CACNA2D3: variants seen among roughly 807,000 people sequenced by gnomAD.
CACNA2D3 encodes calcium voltage-gated channel auxiliary subunit alpha2delta 3.
Under a neutral mutation model 160.6 loss-of-function variants are expected in CACNA2D3, and 60 were observed. The observed-to-expected ratio is 0.37, with a 90% CI of 0.30 to 0.46. The LOEUF (loss-of-function observed/expected upper bound fraction) is 0.46, where lower values mean the gene tolerates loss of function less well. Ranked by LOEUF, CACNA2D3 falls within the 20% of genes least tolerant of loss-of-function variation. The pLI is 1.00. For synonymous variants in CACNA2D3, 558 were observed against 492.9 expected, an observed-to-expected ratio of 1.13 and a Z score of -1.75; for missense variants, 1,205 against 1,365.0, an observed-to-expected ratio of 0.88 and a Z score of 1.85.
intron 2 of CACNA2D3, among the ~76,000 whole-genome samples, chr3:54,192,233 CTT>C (rs1266015873): frequency 2.0e-5 from 3 of 151,728 alleles, no homozygotes; most frequent in East Asian, 3.9e-4. Context: ...GAGGAGAAGA[CTT>C]TTATTTTTAA....
chr3:54,764,095 C>A (rs1702172795), intron 12 of CACNA2D3, 123 bp from the exon 13 acceptor site: 3 of 1,044,528 alleles, frequency 2.9e-6, no homozygotes, highest in Non-Finnish European at 1.4e-6. Context: ...GGGAGAGGAG[C>A]TAACATTGAA....
chr3:54,927,916 G>C, intron 27 of CACNA2D3: 1 of 1,613,616 alleles, frequency 6.2e-7, no homozygotes, highest in Non-Finnish European at 8.5e-7. Context: ...TTTCATGACT[G>C]AGTCTCCTTG....
chr3:54,433,478 A>G (rs1700018117), intron 4 of CACNA2D3, among the ~76,000 whole-genome samples: 1 of 152,246 alleles, frequency 6.6e-6, no homozygotes, highest in South Asian at 2.1e-4. Flanking sequence ...GAATTGTACA[A>G]AGTAACACCT....
chr3:54,136,962 A>G (rs1487753549), intron 2 of CACNA2D3, among the ~76,000 whole-genome samples: 1 of 152,058 alleles, frequency 6.6e-6, no homozygotes, highest in Admixed American at 6.5e-5. Context: ...CCCTAAAGAG[A>G]CTCAGTCATT....
intron 4 of CACNA2D3, among the ~76,000 whole-genome samples, chr3:54,442,802 C>T (rs1700164623): frequency 6.6e-6 from 1 of 152,196 alleles, no homozygotes. Flanking sequence ...TGCCTATGTA[C>T]AGCACTCAGC....
rs142788847 is a variant in CACNA2D3, at chr3:54,919,235, C to T, written c.2449+19367C>T. Among the ~76,000 whole-genome samples the T allele has an allele frequency of 3.7e-3, 569 of 152,308 alleles. 4 individuals are homozygous for T. Among genetic ancestry groups the T allele is most frequent in the African/African-American group, 0.01 (424 of 41,572 alleles). ...TGAGGGCACAGCTGCCCACTGCATT[C>T]GTGCCACGCATGGTCCTAGTGAGCC... On this transcript the variant is annotated intron_variant, in intron 27 of 37. Coordinates refer to ENST00000474759, the MANE Select transcript of CACNA2D3 (RefSeq NM_018398.3).
intron 4 of CACNA2D3, among the ~76,000 whole-genome samples, chr3:54,387,480 C>T (rs1163143418): frequency 1.3e-5 from 2 of 151,996 alleles, no homozygotes; most frequent in South Asian, 2.1e-4. Flanking sequence ...GGTGAAACCC[C>T]GTCTCTACTA....
intron 2 of CACNA2D3, among the ~76,000 whole-genome samples, chr3:54,150,822 TGATG>T (rs10599520): frequency 0.47 from 70,198 of 150,752 alleles, 16,498 homozygotes; most frequent in African/African-American, 0.55. Context: ...GCTTAATACA[TGATG>T]GATGGATGGA....
intron 11 of CACNA2D3, among the ~76,000 whole-genome samples, chr3:54,696,503 A>T (rs926481878): frequency 6.6e-6 from 1 of 152,110 alleles, no homozygotes; most frequent in Non-Finnish European, 1.5e-5. Flanking sequence ...TCCTTAGAAG[A>T]GGGTTTTTTT....
At chr3:54,776,434 G>A (rs1012051621) in intron 13 of CACNA2D3, among the ~76,000 whole-genome samples, 1 of 152,098 alleles carries the variant, frequency 6.6e-6, no homozygotes, top group Non-Finnish European at 1.5e-5. Flanking sequence ...AGGATCACTT[G>A]AGCCCTGGAG....
At chr3:54,661,170 A>T (rs573662251) in intron 11 of CACNA2D3, among the ~76,000 whole-genome samples, 2 of 152,184 alleles carry the variant, frequency 1.3e-5, no homozygotes, top group Non-Finnish European at 2.9e-5. Flanking sequence ...TCCAAGGTGC[A>T]CTTGGATCTG....
intron 10 of CACNA2D3, chr3:54,639,735 G>T (rs1323109271): frequency 6.5e-6 from 1 of 154,944 alleles, no homozygotes; most frequent in Admixed American, 6.7e-5. Context: ...CCCCCGATCC[G>T]AGTCACGGCA....
At chr3:54,960,114 T>C (rs1575408426) in intron 27 of CACNA2D3, among the ~76,000 whole-genome samples, 1 of 145,616 alleles carries the variant, frequency 6.9e-6, no homozygotes, top group South Asian at 2.2e-4. Flanking sequence ...ATGAAAGAAA[T>C]GTGTGGCCAA....
chr3:54,928,856 A>T (rs1001636382), intron 27 of CACNA2D3, among the ~76,000 whole-genome samples: 2 of 152,154 alleles, frequency 1.3e-5, no homozygotes, highest in Non-Finnish European at 2.9e-5. Flanking sequence ...CCCTGTGAGC[A>T]TCAGGCGTCA....
chr3:54,939,448 C>A (rs1701408215), intron 27 of CACNA2D3, among the ~76,000 whole-genome samples: 2 of 152,152 alleles, frequency 1.3e-5, no homozygotes, highest in African/African-American at 4.8e-5. Flanking sequence ...TGGAGAAATG[C>A]AAAAGAAGGG....
chr3:54,334,470 A>T (rs919963134), intron 3 of CACNA2D3, among the ~76,000 whole-genome samples: 1 of 152,106 alleles, frequency 6.6e-6, no homozygotes, highest in African/African-American at 2.4e-5. Context: ...GTGAGACCTG[A>T]GGTTAGCCAT....
At chr3:54,673,676 A>G (rs536513251) in intron 11 of CACNA2D3, among the ~76,000 whole-genome samples, 3 of 152,380 alleles carry the variant, frequency 2.0e-5, no homozygotes, top group South Asian at 4.1e-4. Flanking sequence ...TTTGAAAAAT[A>G]TCAAAGGTAA....
At chr3:55,024,253 G>A (rs1036656008) in intron 35 of CACNA2D3, among the ~76,000 whole-genome samples, 2 of 150,886 alleles carry the variant, frequency 1.3e-5, no homozygotes, top group African/African-American at 4.9e-5. Flanking sequence ...GATTATAATA[G>A]TAAGCATATC....
intron 27 of CACNA2D3, among the ~76,000 whole-genome samples, chr3:54,929,306 T>C (rs1701120809): frequency 6.6e-6 from 1 of 152,188 alleles, no homozygotes; most frequent in Non-Finnish European, 1.5e-5. Context: ...TTCACAATTT[T>C]GCATGAGAAA....
Sources: allele counts gnomAD v4.1 joint callset (sites outside exome capture counted in the v4.1 genomes callset), GRCh38; gene constraint gnomAD v4.1.1; transcripts MANE v1.5; gene names NCBI Gene and HGNC (gene_info 2026-07-23, HGNC 2026-07-21).